The following QTMAN variants were observed in gnomAD, a reference collection of about 807,000 sequenced individuals.
The protein encoded by QTMAN is tRNA-queuosine alpha-mannosyltransferase.
the QTMAN span, among the ~76,000 whole-genome samples, chr2:144,176,881 G>C: frequency 1.3e-5 from 2 of 152,162 alleles, no homozygotes; most frequent in South Asian, 2.1e-4. Flanking sequence ...ATAAAGAAAA[G>C]TGGTTTAATT....
chr2:144,326,822 C>T, the QTMAN span, among the ~76,000 whole-genome samples: 1 of 152,098 alleles, frequency 6.6e-6, no homozygotes, highest in Non-Finnish European at 1.5e-5. Flanking sequence ...CTGGGGTACA[C>T]ATGATCTAGA....
At chr2:144,257,534 G>A in the QTMAN span, among the ~76,000 whole-genome samples, 11 of 152,268 alleles carry the variant, frequency 7.2e-5, no homozygotes, top group African/African-American at 2.2e-4. Context: ...CCTATGACTC[G>A]TGGGCCTCAA....
the QTMAN span, among the ~76,000 whole-genome samples, chr2:144,186,941 T>A: frequency 6.6e-6 from 1 of 152,178 alleles, no homozygotes; most frequent in Non-Finnish European, 1.5e-5. Context: ...TTGATTAGAA[T>A]AACTCTAAAG....
At chr2:143,957,944 G>C in the QTMAN span, among the ~76,000 whole-genome samples, 1 of 152,114 alleles carries the variant, frequency 6.6e-6, no homozygotes, top group East Asian at 1.9e-4. Flanking sequence ...TGAAAGAAGA[G>C]AGAGAAAGCC....
chr2:144,238,512 G>A, the QTMAN span, among the ~76,000 whole-genome samples: 1 of 152,070 alleles, frequency 6.6e-6, no homozygotes, highest in Non-Finnish European at 1.5e-5. Context: ...GCTGTTGCCT[G>A]CAACTAAGAA....
chr2:144,170,700 T>A, the QTMAN span, among the ~76,000 whole-genome samples: 1 of 152,056 alleles, frequency 6.6e-6, no homozygotes, highest in Non-Finnish European at 1.5e-5. Flanking sequence ...AGGTGTTTGA[T>A]GCCTCTCTGC....
the QTMAN span, among the ~76,000 whole-genome samples, chr2:144,240,160 A>T: frequency 6.6e-6 from 1 of 152,258 alleles, no homozygotes; most frequent in African/African-American, 2.4e-5. Context: ...TAATAAAAGT[A>T]CATCAGTCAG....
chr2:144,037,696 A>C, the QTMAN span, among the ~76,000 whole-genome samples: 1 of 152,188 alleles, frequency 6.6e-6, no homozygotes, highest in Non-Finnish European at 1.5e-5. Context: ...ATAGTAAAGT[A>C]CTCATCAATG....
chr2:143,977,662 A>G, the QTMAN span, among the ~76,000 whole-genome samples: 1 of 152,188 alleles, frequency 6.6e-6, no homozygotes, highest in African/African-American at 2.4e-5. Flanking sequence ...GCAATGGCCC[A>G]TGAGGAATGG....
the QTMAN span, chr2:144,294,505 T>C: frequency 6.6e-6 from 1 of 152,150 alleles, no homozygotes; most frequent in African/African-American, 2.4e-5. Context: ...AGGGCAAAAA[T>C]GGTATTCATT....
At chr2:143,971,849 T>A in the QTMAN span, among the ~76,000 whole-genome samples, 1 of 152,228 alleles carries the variant, frequency 6.6e-6, no homozygotes, top group East Asian at 1.9e-4. Context: ...ATTCAGGAAA[T>A]CTCATGAAAA....
chr2:144,153,064 G>A, the QTMAN span, among the ~76,000 whole-genome samples: 2 of 152,236 alleles, frequency 1.3e-5, no homozygotes, highest in African/African-American at 4.8e-5. Flanking sequence ...AAGGATCAGT[G>A]CTATTTGAAT....
the QTMAN span, among the ~76,000 whole-genome samples, chr2:143,947,698 A>G: frequency 5.3e-5 from 8 of 152,204 alleles, no homozygotes; most frequent in Admixed American, 4.6e-4. Context: ...AGAGGCCAAG[A>G]AGATCACCTA....
At chr2:144,288,793 TCTA>T in the QTMAN span, among the ~76,000 whole-genome samples, 1 of 152,172 alleles carries the variant, frequency 6.6e-6, no homozygotes, top group Admixed American at 6.5e-5. Flanking sequence ...GTTAGCGAAA[TCTA>T]CTGCTGACCA....
chr2:144,106,259 T>C, the QTMAN span, among the ~76,000 whole-genome samples: 3 of 152,110 alleles, frequency 2.0e-5, no homozygotes, highest in East Asian at 3.9e-4. Context: ...ATAACAATAT[T>C]AACCTTAAAT....
chr2:144,108,378 G>C, the QTMAN span, among the ~76,000 whole-genome samples: 1 of 152,174 alleles, frequency 6.6e-6, no homozygotes, highest in Non-Finnish European at 1.5e-5. Flanking sequence ...AGTTGCTCAT[G>C]CCTGTAATCC....
At chr2:144,216,430 G>T in the QTMAN span, among the ~76,000 whole-genome samples, 1 of 152,114 alleles carries the variant, frequency 6.6e-6, no homozygotes, top group Non-Finnish European at 1.5e-5. Context: ...AAATCAGGGG[G>T]ACACAGGAAG....
chr2:144,250,096 A>C, the QTMAN span, among the ~76,000 whole-genome samples: 1 of 151,394 alleles, frequency 6.6e-6, no homozygotes, highest in Admixed American at 6.6e-5. Flanking sequence ...CTTTTATCAA[A>C]ACTTATCACA....
At chr2:144,183,480 C>T in the QTMAN span, among the ~76,000 whole-genome samples, 1 of 152,014 alleles carries the variant, frequency 6.6e-6, no homozygotes, top group African/African-American at 2.4e-5. Flanking sequence ...TAATAAAATA[C>T]AAGCTTTCTT....
Sources: gnomAD v4.1 joint callset for allele counts (sites outside exome capture counted in the v4.1 genomes callset) on GRCh38, gnomAD v4.1.1 for gene constraint, MANE v1.5 for transcripts, NCBI Gene and HGNC (gene_info 2026-07-23, HGNC 2026-07-21) for gene names.